Variants in CTNNA2 observed in about 807,000 individuals in gnomAD.
CTNNA2 encodes the protein catenin alpha 2, also known as catenin alpha-2.
CTNNA2 carries 42 observed loss-of-function variants against 101.0 expected under a neutral mutation model. The observed-to-expected ratio is 0.42, with a 90% CI of 0.32 to 0.54. The LOEUF is 0.54. Ranked by LOEUF, CTNNA2 falls within the 20% of genes least tolerant of loss-of-function variation. CTNNA2 has a pLI of 0.14. For missense variants in CTNNA2, 871 were observed against 1,223.1 expected (o/e 0.71, Z 4.29); for synonymous variants, 450 against 456.4 (o/e 0.99, Z 0.18).
Position 79,449,678 on chromosome 2 carries a change from T to G in CTNNA2, c.-134-55376T>G, listed in dbSNP as rs555650993. Among the ~76,000 whole-genome samples the G allele has an allele frequency of 2.6e-5, 4 of 152,178 alleles. No individual in the cohort carries two copies. In the East Asian group the frequency reaches 7.7e-4, roughly 29 times the overall value. ...CTTTCCTTCCCTCTGCAAACTTCCA[T>G]TTCTGTTTCACCAAGAGTACTATGG... On this transcript the variant is annotated intron_variant, in intron 4 of 21. Coordinates refer to the CTNNA2 transcript ENST00000466387.
At chr2:79,350,073 C>CAAA (rs59503765) in intron 3 of CTNNA2, among the ~76,000 whole-genome samples, 3 of 57,444 alleles carry the variant, frequency 5.2e-5, no homozygotes, top group Admixed American at 2.4e-4. Context: ...GACTCCTTCT[C>CAAA]AAAAAAAAAA....
intron 3 of CTNNA2, among the ~76,000 whole-genome samples, chr2:79,327,019 T>A (rs1280011914): frequency 6.6e-6 from 1 of 152,160 alleles, no homozygotes; most frequent in Non-Finnish European, 1.5e-5. Flanking sequence ...CTTCTCTTCT[T>A]GGATCTTGGT....
intron 12 of CTNNA2, among the ~76,000 whole-genome samples, chr2:80,559,901 T>C (rs1254179531): frequency 1.3e-5 from 2 of 151,176 alleles, no homozygotes; most frequent in African/African-American, 2.4e-5. Context: ...TACACACACA[T>C]ACAGTAGCTC....
chr2:79,748,336 A>C (rs1671780298), intron 3 of CTNNA2, among the ~76,000 whole-genome samples: 1 of 152,198 alleles, frequency 6.6e-6, no homozygotes, highest in Admixed American at 6.5e-5. Flanking sequence ...TCCTTCTATC[A>C]TAGAAATCTG....
At chr2:79,850,111 A>G (rs1680555515) in intron 3 of CTNNA2, among the ~76,000 whole-genome samples, 1 of 151,950 alleles carries the variant, frequency 6.6e-6, no homozygotes, top group African/African-American at 2.4e-5. Flanking sequence ...GCTGGGAATA[A>G]TTGGAGAAGT....
At position 79,550,962 on chromosome 2, in the gene CTNNA2, G is replaced by A. The variant is rs149716395; in HGVS notation, c.-6+37755G>A. On this transcript the variant is annotated intron_variant, in intron 1 of 18. Coordinates refer to ENST00000402739, the MANE Select transcript of CTNNA2 (RefSeq NM_001282597.3). ...TTCATCACCGAAGAGTGGAGGAATA[G>A]AGGAATAATGGAATCTGTGATAATT... is the stretch of plus-strand genomic sequence containing the variant. 8.2e-4 allele frequency among the ~76,000 whole-genome samples: 125 copies of A among 152,282 alleles called. 1 individual carries two copies. Among genetic ancestry groups the A allele is most frequent in the African/African-American group, 2.7e-3 (112 of 41,550 alleles).
At chr2:80,230,234 GTC>G (rs1050180543) in intron 7 of CTNNA2, among the ~76,000 whole-genome samples, 1 of 143,556 alleles carries the variant, frequency 7.0e-6, no homozygotes. Flanking sequence ...ATATTTCTTT[GTC>G]TCTCTCTCTC....
At chr2:79,845,987 G>GA (rs11406627) in intron 3 of CTNNA2, among the ~76,000 whole-genome samples, 57,837 of 151,932 alleles carry the variant, frequency 0.38, 12,667 homozygotes, top group East Asian at 0.56. Context: ...GTGAAGAATG[G>GA]AAAATCAGTG....
intron 3 of CTNNA2, among the ~76,000 whole-genome samples, chr2:79,758,517 G>T (rs555738758): frequency 1.3e-5 from 2 of 152,320 alleles, no homozygotes; most frequent in African/African-American, 2.4e-5. Flanking sequence ...GTGGTGCTGA[G>T]ATTTGGGATA....
chr2:80,415,671 A>G (rs555705782), intron 8 of CTNNA2, among the ~76,000 whole-genome samples: 1 of 152,296 alleles, frequency 6.6e-6, no homozygotes, highest in African/African-American at 2.4e-5. Flanking sequence ...AATTAAAACT[A>G]GAACTTCTGG....
chr2:79,415,458 A>T (rs1678467035), intron 4 of CTNNA2, among the ~76,000 whole-genome samples: 1 of 152,190 alleles, frequency 6.6e-6, no homozygotes, highest in East Asian at 1.9e-4. Context: ...ATAAACTAAT[A>T]CACTCCCAAA....
At chr2:80,436,368 T>C (rs1313779768) in intron 9 of CTNNA2, among the ~76,000 whole-genome samples, 1 of 152,028 alleles carries the variant, frequency 6.6e-6, no homozygotes, top group Non-Finnish European at 1.5e-5. Context: ...TCACAGGTCA[T>C]TTCTGTAATG....
intron 1 of CTNNA2, among the ~76,000 whole-genome samples, chr2:79,637,891 A>G (rs187517589): frequency 6.6e-6 from 1 of 152,212 alleles, no homozygotes. Context: ...TAAAATTGGG[A>G]TACCATCACT....
chr2:80,285,032 T>C (rs1232506577), intron 7 of CTNNA2, among the ~76,000 whole-genome samples: 1 of 152,190 alleles, frequency 6.6e-6, no homozygotes, highest in Non-Finnish European at 1.5e-5. Flanking sequence ...GGAGGGGCTC[T>C]TTCTTCTAGA....
intron 1 of CTNNA2, among the ~76,000 whole-genome samples, chr2:79,541,905 G>C (rs531800124): frequency 6.6e-6 from 1 of 152,204 alleles, no homozygotes; most frequent in South Asian, 2.1e-4. Flanking sequence ...GATTACAGGC[G>C]TGAGCCACCG....
chr2:80,507,296 C>T (rs1269027761), intron 9 of CTNNA2, among the ~76,000 whole-genome samples: 1 of 94,312 alleles, frequency 1.1e-5, no homozygotes, highest in Non-Finnish European at 2.3e-5. Flanking sequence ...ACCATCATCA[C>T]CTAGGCAACT....
rs540391582 is a variant in CTNNA2 at position 79,190,191 on chromosome 2, A to G, written c.-524+4760A>G. Among the ~76,000 whole-genome samples the G allele has an allele frequency of 2.9e-3, 441 of 152,152 alleles. 1 individual carries two copies. The highest frequency in any genetic ancestry group is 8.9e-3 in the Admixed American group (136 of 15,272). On this transcript the variant is annotated intron_variant, in intron 1 of 21. Coordinates refer to the CTNNA2 transcript ENST00000466387. The stretch of plus-strand genomic sequence containing the variant: ...TGATTGGGATGTTCCAAATATGTCA[A>G]TTAAGCCAAATTGTTCAAATCCTTT...
At chr2:79,265,518 A>G (rs1346827659) in intron 2 of CTNNA2, among the ~76,000 whole-genome samples, 1 of 152,170 alleles carries the variant, frequency 6.6e-6, no homozygotes, top group African/African-American at 2.4e-5. Context: ...AAAGTTAAAG[A>G]CAAGCCTAGA....
At chr2:80,134,302 G>A (rs1702570792) in intron 7 of CTNNA2, among the ~76,000 whole-genome samples, 1 of 152,084 alleles carries the variant, frequency 6.6e-6, no homozygotes, top group African/African-American at 2.4e-5. Context: ...AGTAAGAAGA[G>A]GGGCATGGAG....
Sources: gnomAD v4.1 joint callset for allele counts (sites outside exome capture counted in the v4.1 genomes callset) on GRCh38, gnomAD v4.1.1 for gene constraint, MANE v1.5 for transcripts, NCBI Gene and HGNC (gene_info 2026-07-23, HGNC 2026-07-21) for gene names.